ZZZ3: variants seen among roughly 807,000 people sequenced by gnomAD.
The protein encoded by ZZZ3 is zinc finger ZZ-type containing 3, also known as ZZ-type zinc finger-containing protein 3.
In ZZZ3, 22 loss-of-function variants were observed where a neutral mutation model predicts 95.2. That is an observed-to-expected ratio of 0.23 (90% CI 0.17 to 0.33). The LOEUF is 0.33. ZZZ3 is among the 10% of genes least tolerant of loss of function. The probability of loss-of-function intolerance (pLI) is 1.00; values close to 1 mark genes in which losing one functional copy is unlikely to be tolerated. For synonymous variants in ZZZ3, 335 were observed against 358.9 expected (o/e 0.93, Z 0.75); for missense variants, 885 against 1,066.5 (o/e 0.83, Z 2.37).
intron 12 of ZZZ3, among the ~76,000 whole-genome samples, chr1:77,570,159 G>A (rs1430548345): frequency 6.6e-6 from 1 of 152,066 alleles, no homozygotes; most frequent in East Asian, 1.9e-4. Context: ...CTGGAGCGCA[G>A]TGGCGCGATC....
rs1660673593 is a variant in ZZZ3 at position 77,564,687 on chromosome 1, A to T, written c.*953T>A. On this transcript the variant is annotated 3_prime_UTR_variant, in exon 15 of 15. Transcript: ENST00000370801. The stretch of plus-strand genomic sequence containing the variant: ...AACCCTTGCTCACTGTGCAGACTAA[A>T]TTTAATCACTTGTTTAAATAGTAAT... The T allele has an allele frequency of 6.5e-6, 1 of 152,674 alleles. No homozygotes were observed. Among genetic ancestry groups the T allele is most frequent in the South Asian group, 2.1e-4 (1 of 4,834 alleles). 9.5% of individuals were successfully genotyped at this position (152,674 alleles called of 1,614,324 possible).
At chr1:77,664,302 T>A (rs1048352801) in intron 1 of ZZZ3, among the ~76,000 whole-genome samples, 1 of 152,208 alleles carries the variant, frequency 6.6e-6, no homozygotes, top group Non-Finnish European at 1.5e-5. Flanking sequence ...AGAAAGGAGA[T>A]GACTTTCTCC....
chr1:77,622,603 C>T (rs1019875834), intron 5 of ZZZ3, among the ~76,000 whole-genome samples: 2 of 152,072 alleles, frequency 1.3e-5, no homozygotes, highest in Non-Finnish European at 2.9e-5. Context: ...AAATAGCTAA[C>T]AAATACGTAA....
In ZZZ3 at chr1:77,584,604, T is replaced by G. The variant is rs756217961; in HGVS notation, c.1557A>C (p.Gln519His). Residue 519 changes from glutamine (Q) to histidine (H), a missense_variant, in exon 6 of 15, where the codon CAA (glutamine) becomes CAC (histidine). Gln to His is a conservative substitution (Grantham distance 24, BLOSUM62 0). Around this residue, in one of 5 missense-constraint regions of ZZZ3, gnomAD observed 556 missense variants for 652.9 expected, o/e 0.85. Coordinates refer to ENST00000370801, the MANE Select transcript of ZZZ3 (RefSeq NM_015534.6). ...TIAVLEAQRS[Q>H]AVQDLESLGR... ...CTAAACTTTCAAGGTCTTGGACTGC[T>G]TGAGAACGCTGAGCCTCGAGTACAG... 3 of 1,612,610 alleles carry G rather than the reference T, an allele frequency of 1.9e-6. No homozygotes were observed. The South Asian group carries it at 3.3e-5, about 18-fold the overall frequency.
intron 1 of ZZZ3, among the ~76,000 whole-genome samples, chr1:77,656,135 CT>C (rs1670249492): frequency 6.6e-6 from 1 of 152,224 alleles, no homozygotes; most frequent in African/African-American, 2.4e-5. Flanking sequence ...CTTTCATCAA[CT>C]TACAGTTTTC....
chr1:77,676,899 T>A (rs1672317361), intron 1 of ZZZ3: 1 of 152,220 alleles, frequency 6.6e-6, no homozygotes, highest in African/African-American at 2.4e-5. Flanking sequence ...ATTTAGATTC[T>A]CATTTCACAC....
upstream of ZZZ3, chr1:77,683,205 C>T (rs1432066428): frequency 6.7e-6 from 1 of 149,678 alleles, no homozygotes; most frequent in Non-Finnish European, 1.5e-5. Context: ...TTCCCTCCCC[C>T]TTCATTCTCC....
chr1:77,607,512 CAG>C (rs1441681889), intron 5 of ZZZ3, among the ~76,000 whole-genome samples: 12 of 152,136 alleles, frequency 7.9e-5, no homozygotes, highest in African/African-American at 1.9e-4. Context: ...GAAAAAGAAA[CAG>C]AAATTCTGCA....
chr1:77,605,577 C>T (rs1265140275), intron 5 of ZZZ3, among the ~76,000 whole-genome samples: 3 of 152,134 alleles, frequency 2.0e-5, no homozygotes, highest in Non-Finnish European at 4.4e-5. Flanking sequence ...GCTCGTGACC[C>T]CTTTCTTTCA....
In ZZZ3 at chr1:77,562,848, T is replaced by C. The variant is rs566970931; in HGVS notation, c.*2792A>G. On this transcript the variant is annotated 3_prime_UTR_variant, in exon 15 of 15. Transcript: ENST00000370801. ...GCCTGACACAAGGGGAAATTCCTGC[T>C]CAGGAAACAGGATAGTAAGGCAGAC... 1 of 152,638 alleles carries C rather than the reference T, an allele frequency of 6.6e-6. No individual in the cohort carries two copies. Among genetic ancestry groups the C allele is most frequent in the South Asian group, 2.1e-4 (1 of 4,822 alleles). The allele number at this position is 152,638 out of a possible 1,614,324, so 9.5% of individuals were successfully genotyped here.
At chr1:77,637,133 T>C (rs529897588) in intron 4 of ZZZ3, among the ~76,000 whole-genome samples, 6 of 152,320 alleles carry the variant, frequency 3.9e-5, no homozygotes, top group African/African-American at 9.6e-5. Context: ...AGCACTGCCT[T>C]AGGCTAGTGA....
At chr1:77,683,269 G>A (rs938662646), upstream of ZZZ3, 1 of 138,088 alleles carries the variant, frequency 7.2e-6, no homozygotes, top group African/African-American at 2.8e-5. Flanking sequence ...CACCTTTCAC[G>A]CGGGGTCGGA....
intron 5 of ZZZ3, among the ~76,000 whole-genome samples, chr1:77,629,634 A>AAAAC (rs1277076564): frequency 3.9e-5 from 6 of 152,122 alleles, no homozygotes; most frequent in Admixed American, 6.5e-5. Context: ...TCCAAAACAA[A>AAAAC]AAACAAACAA....
chr1:77,621,806 G>C (rs1227605096), intron 5 of ZZZ3, among the ~76,000 whole-genome samples: 1 of 151,972 alleles, frequency 6.6e-6, no homozygotes, highest in Non-Finnish European at 1.5e-5. Context: ...AACAGAGCAA[G>C]ACCCTGTCTT....
intron 1 of ZZZ3, among the ~76,000 whole-genome samples, chr1:77,667,865 A>T (rs1473172117): frequency 6.6e-6 from 1 of 150,544 alleles, no homozygotes; most frequent in Non-Finnish European, 1.5e-5. Context: ...TACTGGGTTC[A>T]AGTGATTCTC....
intron 5 of ZZZ3, among the ~76,000 whole-genome samples, chr1:77,598,533 A>T (rs1664428864): frequency 6.6e-6 from 1 of 152,160 alleles, no homozygotes. Context: ...TGGAACAGCA[A>T]ATGAGAAAGT....
intron 1 of ZZZ3, among the ~76,000 whole-genome samples, chr1:77,642,928 ATTAAAAC>A: frequency 6.6e-6 from 1 of 152,312 alleles, no homozygotes; most frequent in South Asian, 2.1e-4. Context: ...GTTTTCAAAC[ATTAAAAC>A]TATATAAGTA....
At chr1:77,576,296 T>G in intron 11 of ZZZ3, 76 bp from the exon 12 acceptor site, 3 of 1,208,996 alleles carry the variant, frequency 2.5e-6, no homozygotes, top group Non-Finnish European at 3.4e-6. Context: ...AATACAAATG[T>G]TACTTCCAAC....
At chr1:77,638,738 T>A (rs1050450584) in intron 4 of ZZZ3, among the ~76,000 whole-genome samples, 15 of 152,124 alleles carry the variant, frequency 9.9e-5, no homozygotes, top group African/African-American at 3.1e-4. Flanking sequence ...CAAACCAAAG[T>A]AAAAGGAAAA....
Sources: gnomAD v4.1 joint callset for allele counts (sites outside exome capture counted in the v4.1 genomes callset) on GRCh38, gnomAD v4.1.1 for gene constraint, gnomAD v4.1.1 regional missense constraint, MANE v1.5 for transcripts, NCBI Gene and HGNC (gene_info 2026-07-23, HGNC 2026-07-21) for gene names.